GRM5: variants seen among roughly 807,000 people sequenced by gnomAD.
GRM5 encodes metabotropic glutamate receptor 5.
GRM5 carries 19 observed loss-of-function variants against 83.1 expected under a neutral mutation model. The ratio of observed to expected loss-of-function variants is 0.23; its 90% CI spans 0.16 to 0.34. GRM5 has a LOEUF of 0.34. GRM5 is among the 10% of genes least tolerant of loss of function. The probability of loss-of-function intolerance (pLI) is 1.00; values close to 1 mark genes in which losing one functional copy is unlikely to be tolerated. For missense variants in GRM5, 1,160 were observed against 1,588.3 expected, an observed-to-expected ratio of 0.73 and a Z score of 4.58; for synonymous variants, 675 against 633.6, an observed-to-expected ratio of 1.07 and a Z score of -0.98.
chr11:89,009,919 A>AAAAAAAAAAAAAAC (rs1940647190), intron 2 of GRM5, among the ~76,000 whole-genome samples: 1 of 126,438 alleles, frequency 7.9e-6, no homozygotes, highest in Non-Finnish European at 1.5e-5. Context: ...AAAAAAAAAA[A>AAAAAAAAAAAAAAC]AAAAAAAAAA....
intron 2 of GRM5, among the ~76,000 whole-genome samples, chr11:88,949,988 C>T (rs1938405075): frequency 6.6e-6 from 1 of 152,038 alleles, no homozygotes; most frequent in Admixed American, 6.5e-5. Flanking sequence ...CCTCAACCTC[C>T]CGAGTAGCTG....
intron 3 of GRM5, among the ~76,000 whole-genome samples, chr11:88,672,730 T>A (rs1489316032): frequency 6.6e-6 from 1 of 151,988 alleles, no homozygotes. Context: ...CATATTTATA[T>A]AATACATAAT....
At chr11:88,949,818 A>C (rs185106445) in intron 2 of GRM5, among the ~76,000 whole-genome samples, 3 of 152,320 alleles carry the variant, frequency 2.0e-5, no homozygotes, top group Admixed American at 1.3e-4. Context: ...CATTAGAAAC[A>C]GTATTTTAGG....
intron 2 of GRM5, among the ~76,000 whole-genome samples, chr11:88,903,783 A>C (rs1945357572): frequency 6.6e-6 from 1 of 152,226 alleles, no homozygotes; most frequent in Non-Finnish European, 1.5e-5. Context: ...ATGAGCAATT[A>C]CTTAATAGGT....
intron 7 of GRM5, among the ~76,000 whole-genome samples, chr11:88,570,708 C>T (rs927414796): frequency 2.7e-5 from 4 of 149,402 alleles, no homozygotes; most frequent in South Asian, 2.1e-4. Context: ...GCCGCCTGAG[C>T]TGGGATTACA....
intron 3 of GRM5, among the ~76,000 whole-genome samples, chr11:88,834,879 T>C (rs1266291457): frequency 6.6e-6 from 1 of 152,150 alleles, no homozygotes; most frequent in Non-Finnish European, 1.5e-5. Flanking sequence ...GAAACATATA[T>C]TTAGTCTACT....
chr11:88,779,271 A>G (rs2135460793), intron 3 of GRM5, among the ~76,000 whole-genome samples: 1 of 152,336 alleles, frequency 6.6e-6, no homozygotes, highest in East Asian at 1.9e-4. Context: ...TTAGCCTTTC[A>G]CAGCTGTTTG....
At chr11:88,904,052 C>T (rs902237264) in intron 2 of GRM5, among the ~76,000 whole-genome samples, 9 of 151,920 alleles carry the variant, frequency 5.9e-5, no homozygotes, top group Admixed American at 2.0e-4. Flanking sequence ...TAAAGGGTCT[C>T]GAGATAGATT....
intron 2 of GRM5, among the ~76,000 whole-genome samples, chr11:88,992,219 C>T (rs926267828): frequency 1.3e-5 from 2 of 152,120 alleles, no homozygotes; most frequent in Admixed American, 6.5e-5. Flanking sequence ...TATGAACAGA[C>T]ACTTCTCAAA....
chr11:88,998,273 G>A (rs115553262), intron 2 of GRM5, among the ~76,000 whole-genome samples: 4,710 of 152,172 alleles, frequency 0.031, 247 homozygotes, highest in African/African-American at 0.11. Context: ...CCAGGGATGC[G>A]AGGTTGGAGT....
intron 2 of GRM5, among the ~76,000 whole-genome samples, chr11:89,029,665 C>T (rs1024980679): frequency 1.3e-5 from 2 of 152,186 alleles, no homozygotes; most frequent in South Asian, 4.1e-4. Context: ...ATTCCAGATG[C>T]ATCCCTAATG....
At chr11:88,685,427 A>G (rs892892689) in intron 3 of GRM5, among the ~76,000 whole-genome samples, 2 of 152,244 alleles carry the variant, frequency 1.3e-5, no homozygotes, top group Admixed American at 1.3e-4. Context: ...GGTTCAGGAA[A>G]TTTGCAGCCT....
chr11:88,806,355 T>C (rs768838481), intron 3 of GRM5, among the ~76,000 whole-genome samples: 4 of 152,218 alleles, frequency 2.6e-5, no homozygotes, highest in Non-Finnish European at 5.9e-5. Context: ...ATTAAAGATA[T>C]GGTGTGTTCT....
chr11:88,744,923 C>G (rs1029456791), intron 3 of GRM5, among the ~76,000 whole-genome samples: 2 of 152,230 alleles, frequency 1.3e-5, no homozygotes, highest in African/African-American at 4.8e-5. Flanking sequence ...ATAAGGAAGT[C>G]TAGTAGAGTA....
At chr11:88,557,945 TTA>T (rs914619779) in intron 8 of GRM5, among the ~76,000 whole-genome samples, 1 of 152,074 alleles carries the variant, frequency 6.6e-6, no homozygotes, top group Non-Finnish European at 1.5e-5. Flanking sequence ...CAAATTGGAC[TTA>T]GTTTATTCTT....
At chr11:88,945,115 G>GACACACAC (rs1181880943) in intron 2 of GRM5, among the ~76,000 whole-genome samples, 53 of 137,696 alleles carry the variant, frequency 3.8e-4, no homozygotes, top group African/African-American at 1.4e-3. Flanking sequence ...ATTTACAATA[G>GACACACAC]ACACACACAC....
chr11:88,762,987 A>G (rs753580211), intron 3 of GRM5, among the ~76,000 whole-genome samples: 5 of 151,988 alleles, frequency 3.3e-5, no homozygotes, highest in Non-Finnish European at 7.4e-5. Context: ...ATGTGGACAC[A>G]TAGAGGAGAA....
At chr11:88,801,419 A>G (rs893608300) in intron 3 of GRM5, among the ~76,000 whole-genome samples, 1 of 152,310 alleles carries the variant, frequency 6.6e-6, no homozygotes, top group African/African-American at 2.4e-5. Context: ...CCAGCCTAAC[A>G]TGGTTCATGC....
intron 2 of GRM5, among the ~76,000 whole-genome samples, chr11:89,024,652 C>T (rs1241046542): frequency 7.2e-5 from 11 of 152,016 alleles, no homozygotes; most frequent in Non-Finnish European, 1.5e-5. Context: ...TATATTATGA[C>T]CAAAAATATC....
Sources: allele counts gnomAD v4.1 joint callset (sites outside exome capture counted in the v4.1 genomes callset), GRCh38; gene constraint gnomAD v4.1.1; transcripts MANE v1.5; gene names NCBI Gene and HGNC (gene_info 2026-07-23, HGNC 2026-07-21).